TNIP3: variants seen among roughly 807,000 people sequenced by gnomAD.
TNIP3 encodes TNFAIP3-interacting protein 3.
A neutral mutation model predicts 54.1 loss-of-function variants in TNIP3; 34 were observed. The observed-to-expected ratio is 0.63, with a 90% CI of 0.48 to 0.84. TNIP3 has a LOEUF of 0.84. TNIP3 is among the 40% of genes least tolerant of loss of function. TNIP3 has a pLI of 0.00. For synonymous variants in TNIP3, 134 were observed against 136.8 expected (o/e 0.98, Z 0.14); for missense variants, 366 against 387.6 (o/e 0.94, Z 0.47).
chr4:121,163,107 T>A (rs758236005), intron 1 of TNIP3, among the ~76,000 whole-genome samples: 34 of 152,016 alleles, frequency 2.2e-4, no homozygotes, highest in Admixed American at 5.9e-4. Flanking sequence ...ACTGCACGAG[T>A]ACTAGTTTTT....
At chr4:121,152,927 C>T (rs1729846520) in intron 5 of TNIP3, among the ~76,000 whole-genome samples, 3 of 151,904 alleles carry the variant, frequency 2.0e-5, no homozygotes, top group South Asian at 4.2e-4. Flanking sequence ...GAACTAACAA[C>T]CAAGATTAGT....
chr4:121,222,925 C>G (rs1000473075), intron 1 of TNIP3, among the ~76,000 whole-genome samples: 2 of 151,180 alleles, frequency 1.3e-5, no homozygotes, highest in Non-Finnish European at 2.9e-5. Context: ...CCTGCCTCAG[C>G]CTCCCGAGTA....
Position 121,131,544 on chromosome 4 carries a change from A to T in TNIP3, c.*1087T>A, listed in dbSNP as rs1046860703. 1 of 150,566 alleles carries T rather than the reference A, an allele frequency of 6.6e-6. No homozygotes were observed. The highest frequency in any genetic ancestry group is 1.5e-5 in the Non-Finnish European group (1 of 67,758). 9.3% of individuals were successfully genotyped at this position (150,566 alleles called of 1,614,324 possible). ...ATATGTCTGAAATATTTCTGTAAGT[A>T]TATATGGACACAGCATAGCCATATA... On this transcript the variant is annotated 3_prime_UTR_variant, in exon 11 of 11. Transcript: ENST00000057513.
chr4:121,147,041 A>T lies in TNIP3; in HGVS notation c.735+8T>A, dbSNP rs1560642732. 1 of 1,607,602 alleles carries T rather than the reference A, an allele frequency of 6.2e-7. No individual in the cohort carries two copies. Among genetic ancestry groups the T allele is most frequent in the Non-Finnish European group, 8.5e-7 (1 of 1,177,702 alleles). On this transcript the variant is annotated splice_region_variant and intron_variant, in intron 7 of 10. Coordinates refer to ENST00000057513, the MANE Select transcript of TNIP3 (RefSeq NM_024873.6). ...TGCTGGCAAAGATTATTTTGTTTTG[A>T]CTTGTACCTGGGAATTCAGCCTGTT...
intron 2 of TNIP3, among the ~76,000 whole-genome samples, chr4:121,211,985 A>G (rs114754085): frequency 9.6e-4 from 146 of 152,360 alleles, no homozygotes; most frequent in African/African-American, 3.4e-3. Flanking sequence ...CACAAATTTT[A>G]TGCTGGTACC....
chr4:121,161,804 A>C (rs1730470214), intron 1 of TNIP3, among the ~76,000 whole-genome samples: 1 of 151,910 alleles, frequency 6.6e-6, no homozygotes, highest in African/African-American at 2.4e-5. Flanking sequence ...ATTAATAATA[A>C]ATTACTGGCA....
intron 2 of TNIP3, among the ~76,000 whole-genome samples, chr4:121,190,928 C>G (rs879814142): frequency 1.3e-5 from 2 of 152,106 alleles, no homozygotes; most frequent in East Asian, 3.9e-4. Flanking sequence ...AGAAAAAGGA[C>G]AAAACCAAGA....
intron 1 of TNIP3, chr4:121,227,272 A>G (rs565894488): frequency 2.3e-6 from 2 of 886,258 alleles, no homozygotes; most frequent in South Asian, 1.6e-5. Context: ...GATCAGTTAT[A>G]TATGTCTTTT....
At chr4:121,181,086 G>C (rs1217951378) in intron 3 of TNIP3, among the ~76,000 whole-genome samples, 2 of 152,188 alleles carry the variant, frequency 1.3e-5, no homozygotes, top group Non-Finnish European at 2.9e-5. Flanking sequence ...GTCCCAAAAG[G>C]AGACATAACC....
chr4:121,223,875 C>CA (rs1186292459), intron 1 of TNIP3, among the ~76,000 whole-genome samples: 1 of 151,952 alleles, frequency 6.6e-6, no homozygotes, highest in African/African-American at 2.4e-5. Flanking sequence ...ACTATTCTTT[C>CA]AAAAAAACAT....
upstream of TNIP3, among the ~76,000 whole-genome samples, chr4:121,220,779 G>A (rs151323385): frequency 5.3e-5 from 8 of 152,232 alleles, no homozygotes; most frequent in African/African-American, 9.6e-5. Flanking sequence ...AGCATTCAGC[G>A]TGCCTTAAGT....
At chr4:121,133,741 C>A (rs1203635940) in intron 10 of TNIP3, among the ~76,000 whole-genome samples, 1 of 152,104 alleles carries the variant, frequency 6.6e-6, no homozygotes, top group Non-Finnish European at 1.5e-5. Context: ...CAGAATTTCC[C>A]TAAATGTACA....
In TNIP3 at chr4:121,132,652, T is replaced by G. The variant is rs759236681; in HGVS notation, c.957A>C (p.Ser319=). The G allele has an allele frequency of 2.5e-6, 4 of 1,612,648 alleles. No individual in the cohort carries two copies. In the South Asian group the frequency reaches 4.4e-5, roughly 18 times the overall value. ...DVQHKANGLS[S]VKKVHP ...ACTTCTACGGATGGACTTTCTTTAC[T>G]GAGGATAAACCTATGGAAAACAGTA... The change falls in exon 11 of 11, where the codon TCA becomes TCC. Residue 319 remains serine, a synonymous_variant. Transcript: ENST00000057513.
At chr4:121,190,102 C>T (rs959169147) in intron 2 of TNIP3, among the ~76,000 whole-genome samples, 6 of 152,190 alleles carry the variant, frequency 3.9e-5, no homozygotes, top group African/African-American at 1.2e-4. Context: ...GTTTGGCCTT[C>T]TTCTTGGGAC....
chr4:121,144,004 T>C (rs1729281236), intron 7 of TNIP3, among the ~76,000 whole-genome samples: 1 of 152,184 alleles, frequency 6.6e-6, no homozygotes, highest in Admixed American at 6.5e-5. Flanking sequence ...GGAATGTGTA[T>C]ATGTCAGGAA....
chr4:121,139,591 G>A (rs1728992372), intron 9 of TNIP3, among the ~76,000 whole-genome samples: 1 of 152,156 alleles, frequency 6.6e-6, no homozygotes, highest in Non-Finnish European at 1.5e-5. Context: ...TTTCTAACAT[G>A]AGCCAACAGA....
At chr4:121,184,470 CCT>C (rs1491403130) in intron 2 of TNIP3, among the ~76,000 whole-genome samples, 1 of 152,142 alleles carries the variant, frequency 6.6e-6, no homozygotes, top group Non-Finnish European at 1.5e-5. Context: ...GTGGGATTCT[CCT>C]CTGTGTCTGG....
At chr4:121,159,432 G>A (rs1335454740) in intron 2 of TNIP3, among the ~76,000 whole-genome samples, 1 of 152,136 alleles carries the variant, frequency 6.6e-6, no homozygotes, top group African/African-American at 2.4e-5. Flanking sequence ...TTGTCTGTAA[G>A]ATTTCTTAAT....
At chr4:121,181,030 G>T (rs577350334) in intron 3 of TNIP3, among the ~76,000 whole-genome samples, 1 of 152,282 alleles carries the variant, frequency 6.6e-6, no homozygotes, top group Non-Finnish European at 1.5e-5. Context: ...CAATGAGGTC[G>T]TAGGAAAATC....
Sources: allele counts gnomAD v4.1 joint callset (sites outside exome capture counted in the v4.1 genomes callset), GRCh38; gene constraint gnomAD v4.1.1; transcripts MANE v1.5; gene names NCBI Gene and HGNC (gene_info 2026-07-23, HGNC 2026-07-21).